NPHP3: variants seen among roughly 807,000 people sequenced by gnomAD.
NPHP3 encodes the protein nephrocystin 3.
NPHP3 carries 123 observed loss-of-function variants against 171.9 expected under a neutral mutation model. The observed-to-expected ratio is 0.72, with a 90% CI of 0.62 to 0.83. The LOEUF (loss-of-function observed/expected upper bound fraction) is 0.83. NPHP3 is among the 40% of genes least tolerant of loss of function. The probability of loss-of-function intolerance (pLI) is 0.00; values close to 1 mark genes in which losing one functional copy is unlikely to be tolerated. For missense variants in NPHP3, 1,506 were observed against 1,591.9 expected (o/e 0.95, Z 0.92); for synonymous variants, 558 against 579.2 (o/e 0.96, Z 0.52).
rs770816338 is a variant in NPHP3, at chr3:132,686,215, G to C, written c.3329+45C>G. 3 of 1,596,988 alleles carry C rather than the reference G, an allele frequency of 1.9e-6. No homozygotes were observed. The South Asian group carries it at 3.3e-5, about 18-fold the overall frequency. On this transcript the variant is annotated intron_variant, in intron 23 of 26. Coordinates refer to ENST00000337331, the MANE Select transcript of NPHP3 (RefSeq NM_153240.5). The stretch of plus-strand genomic sequence containing the variant: ...AAATGTAAAACAGCATTGCATCAAA[G>C]AGAAAATGGTTAATTATTTTCATTA...
chr3:132,689,206 T>C lies in NPHP3; in HGVS notation c.2751A>G (p.Ala917=). The C allele has an allele frequency of 6.2e-7, 1 of 1,614,166 alleles. No homozygotes were observed. The highest frequency in any genetic ancestry group is 8.5e-7 in the Non-Finnish European group (1 of 1,179,986). ...YWQFVGKDKS[A]MATEYFDSLK... ...ATGAATCGAAGTATTCTGTTGCCAT[T>C]GCACTTTTGTCTTTGCCAACAAACT... Residue 917 remains alanine, a synonymous_variant, in exon 20 of 27, where the codon GCA becomes GCG. Transcript: ENST00000337331.
intron 7 of NPHP3, among the ~76,000 whole-genome samples, chr3:132,706,896 A>G (rs1185508372): frequency 6.6e-6 from 1 of 152,226 alleles, no homozygotes; most frequent in African/African-American, 2.4e-5. Context: ...TGGAAATTAT[A>G]ATAAAAATGC....
In NPHP3 at chr3:132,722,038, G is replaced by C; in HGVS notation, c.318C>G (p.Asn106Lys). The C allele has an allele frequency of 1.2e-6, 2 of 1,613,196 alleles. No individual in the cohort carries two copies. The highest frequency in any genetic ancestry group is 8.5e-7 in the Non-Finnish European group (1 of 1,179,916). ...GGCGGCCCATGGACAACAACTCCTG[G>C]TTCTTGCTGACGCGAAAGATCTCGT... ...KEYEIFRVSK[N>K]QELLSMGRRE... Residue 106 changes from asparagine (N) to lysine (K), a missense_variant, in exon 1 of 27, where the codon AAC (asparagine) becomes AAG (lysine). Transcript: ENST00000337331.
chr3:132,722,169 C>G lies in NPHP3; in HGVS notation c.187G>C (p.Gly63Arg), dbSNP rs753458157. 7.0e-6 allele frequency: 11 copies of G among 1,563,476 alleles called. No homozygotes were observed. The highest frequency in any genetic ancestry group is 8.6e-6 in the Non-Finnish European group (10 of 1,162,542). ...AGAGPGSLPR[G>R]VGAGGLLGAS... ...CCCAGCAGCCCGCCCGCGCCCACCC[C>G]GCGGGGCAGCGACCCGGGCCCGGCC... Residue 63 changes from glycine to arginine, a missense_variant, in exon 1 of 27, where the codon GGG (glycine) becomes CGG (arginine). Physicochemically the swap from Gly to Arg is moderately radical, Grantham distance 125. Transcript: ENST00000337331.
intron 17 of NPHP3, 48 bp from the exon 18 acceptor site, chr3:132,691,334 T>C: frequency 7.9e-7 from 1 of 1,269,364 alleles, no homozygotes; most frequent in Non-Finnish European, 1.2e-6. Context: ...CGTAAGTCAC[T>C]GTACATCTAA....
intron 16 of NPHP3, chr3:132,693,317 C>T (rs1417479172): frequency 6.2e-6 from 1 of 161,624 alleles, no homozygotes; most frequent in Non-Finnish European, 1.3e-5. Flanking sequence ...GCAGCATCCC[C>T]CAGTAAGAGC....
At chr3:132,695,211 T>C (rs150003355) in intron 15 of NPHP3, 4 of 429,280 alleles carry the variant, frequency 9.3e-6, no homozygotes, top group African/African-American at 2.0e-5. Context: ...GCAATTACTA[T>C]GCATTATGGA....
At chr3:132,709,992 C>T (rs77393459) in intron 6 of NPHP3, among the ~76,000 whole-genome samples, 10 of 152,254 alleles carry the variant, frequency 6.6e-5, no homozygotes, top group Non-Finnish European at 1.2e-4. Flanking sequence ...CCCTACAAAA[C>T]TGACCCATGG....
intron 1 of NPHP3, 50 bp downstream of exon 1, chr3:132,721,913 G>A (rs1940235078): frequency 6.3e-7 from 1 of 1,598,818 alleles, no homozygotes; most frequent in Non-Finnish European, 8.5e-7. Context: ...GGAGCAGGAC[G>A]GCCGTGCTTC....
intron 3 of NPHP3, 104 bp downstream of exon 3, chr3:132,718,890 C>A (rs559533327): frequency 3.4e-6 from 4 of 1,164,408 alleles, no homozygotes; most frequent in Admixed American, 3.4e-5. Context: ...AAAGCAATAA[C>A]CTAATATAGA....
Position 132,701,496 on chromosome 3 carries a change from G to C in NPHP3, c.1562C>G (p.Ala521Gly), listed in dbSNP as rs1243882791. The change falls in exon 10 of 27, where the codon GCC becomes GGC. Residue 521 changes from alanine to glycine, a missense_variant. Ala to Gly is a moderately conservative substitution (Grantham distance 60). Transcript: ENST00000337331. The stretch of plus-strand genomic sequence containing the variant: ...AGACACGAGAAGAGGTGGAATCGGG[G>C]CTGGTGCTGCCACTAGATCATTAAG... The part of the protein sequence containing the change: ...QRLNDLVAAP[A>G]PIPPLLVSGG... The C allele has an allele frequency of 6.2e-7, 1 of 1,613,682 alleles. No individual in the cohort carries two copies. Among genetic ancestry groups the C allele is most frequent in the East Asian group, 2.2e-5 (1 of 44,870 alleles).
rs1285930020 is a variant in NPHP3, at chr3:132,684,528, A to G, written c.3570+26T>C. On this transcript the variant is annotated intron_variant, in intron 24 of 26. Coordinates refer to ENST00000337331, the MANE Select transcript of NPHP3 (RefSeq NM_153240.5). ...TGGCTTAACTGATATGTTATAAAAC[A>G]TGTAAGAATGTCAAAGCTTACTTAC... The G allele has an allele frequency of 1.1e-5, 17 of 1,612,852 alleles. No homozygotes were observed. The Admixed American group carries it at 2.8e-4, about 27-fold the overall frequency.
chr3:132,710,537 G>A (rs1444752951), intron 6 of NPHP3, among the ~76,000 whole-genome samples: 1 of 152,120 alleles, frequency 6.6e-6, no homozygotes, highest in Non-Finnish European at 1.5e-5. Context: ...TTCTACGTAG[G>A]TTCAAGCTTT....
Position 132,681,741 on chromosome 3 carries a change from A to G in NPHP3, c.*169T>C. 1.5e-6 allele frequency: 1 copy of G among 662,526 alleles called. No individual in the cohort carries two copies. The allele number at this position is 662,526 out of a possible 1,614,324, so 41.0% of individuals were successfully genotyped here. ...TCTTTTAAACAACTAAAACAGACAT[A>G]ATCACAATTCCAACTTAATGTAATC... On this transcript the variant is annotated 3_prime_UTR_variant, in exon 27 of 27. Transcript: ENST00000337331.
intron 1 of NPHP3, chr3:132,721,616 T>C (rs1033114899): frequency 2.4e-6 from 1 of 414,220 alleles, no homozygotes; most frequent in South Asian, 2.0e-5. Flanking sequence ...TAATTTCTTC[T>C]AGGTGCCTCA....
chr3:132,718,899 G>A (rs1346931440), intron 3 of NPHP3, 95 bp downstream of exon 3: 21 of 1,261,912 alleles, frequency 1.7e-5, no homozygotes, highest in Non-Finnish European at 2.3e-5. Flanking sequence ...ACCTAATATA[G>A]ATAAGTAAAA....
At position 132,708,121 on chromosome 3, in the gene NPHP3, T is replaced by C; in HGVS notation, c.1255A>G (p.Asn419Asp). The C allele has an allele frequency of 1.2e-6, 2 of 1,614,192 alleles. No individual in the cohort carries two copies. Among genetic ancestry groups the C allele is most frequent in the Non-Finnish European group, 1.7e-6 (2 of 1,180,028 alleles). The stretch of plus-strand genomic sequence containing the variant: ...TTTACCTTGGCTTTGCTGGTCTTGT[T>C]TAGATTAGAAACTTGATCAATCAAT... ...QQLIDQVSNL[N>D]KTSKAKIIDH... The change falls in exon 7 of 27, where the codon AAC becomes GAC. Residue 419 changes from asparagine to aspartate, a missense_variant. Asn to Asp is a conservative substitution (Grantham distance 23). Around this residue, in one of 3 missense-constraint regions of NPHP3, gnomAD observed 930 missense variants for 924.9 expected, o/e 1.01. Coordinates refer to ENST00000337331, the MANE Select transcript of NPHP3 (RefSeq NM_153240.5).
At chr3:132,686,222 T>G (rs1560000815) in intron 23 of NPHP3, 38 bp downstream of exon 23, 4 of 1,599,136 alleles carry the variant, frequency 2.5e-6, no homozygotes, top group Non-Finnish European at 3.4e-6. Context: ...AAAGAGAAAA[T>G]GGTTAATTAT....
chr3:132,714,736 GCAAA>G (rs1204400469), intron 5 of NPHP3, among the ~76,000 whole-genome samples: 1 of 151,814 alleles, frequency 6.6e-6, no homozygotes, highest in Non-Finnish European at 1.5e-5. Flanking sequence ...CTCAAAACAA[GCAAA>G]CAAACACACA....
Sources: allele counts gnomAD v4.1 joint callset (sites outside exome capture counted in the v4.1 genomes callset), GRCh38; gene constraint gnomAD v4.1.1; regional missense constraint gnomAD v4.1.1; transcripts MANE v1.5; gene names NCBI Gene and HGNC (gene_info 2026-07-23, HGNC 2026-07-21).